NFATC3: variants seen among roughly 807,000 people sequenced by gnomAD.
NFATC3 encodes the protein nuclear factor of activated T-cells, cytoplasmic 3.
Under a neutral mutation model 98.6 loss-of-function variants are expected in NFATC3, and 46 were observed. The ratio of observed to expected loss-of-function variants is 0.47; its 90% CI spans 0.37 to 0.60. The LOEUF (loss-of-function observed/expected upper bound fraction) is 0.60. Ranked by LOEUF, NFATC3 falls within the 20% of genes least tolerant of loss-of-function variation. NFATC3 has a pLI of 0.00. For synonymous variants in NFATC3, 512 were observed against 472.2 expected, an observed-to-expected ratio of 1.08 and a Z score of -1.09; for missense variants, 1,256 against 1,295.5, an observed-to-expected ratio of 0.97 and a Z score of 0.47.
At chr16:68,211,717 T>C in intron 9 of NFATC3, among the ~76,000 whole-genome samples, 1 of 151,650 alleles carries the variant, frequency 6.6e-6, no homozygotes. Context: ...AGACGGGGTT[T>C]CACCATGCTG....
chr16:68,160,430 A>C (rs1413431721), intron 4 of NFATC3, among the ~76,000 whole-genome samples: 1 of 152,128 alleles, frequency 6.6e-6, no homozygotes, highest in African/African-American at 2.4e-5. Context: ...GCGCCATTGC[A>C]CTCCAGCCTG....
In NFATC3 at chr16:68,112,268, CTTTTTTTTTT is replaced by C. The variant is rs768228927; in HGVS notation, c.104-9701_104-9692del. On this transcript the variant is annotated intron_variant, in intron 1 of 9. Transcript: ENST00000346183. The stretch of plus-strand genomic sequence containing the variant: ...CAGGTACCCCAGTTGTAGGTTCAGT[CTTTTTTTTTT>C]TTTTTTTTTTTTTTTTTGAGATGGA... Among the ~76,000 whole-genome samples, 561 of 77,418 alleles carry C rather than the reference CTTTTTTTTTT, an allele frequency of 7.2e-3. 4 individuals are homozygous for C. The highest frequency in any genetic ancestry group is 0.028 in the African/African-American group (517 of 18,686). 50.8% of individuals were successfully genotyped at this position (77,418 alleles called of 152,430 possible). A position where few individuals can be genotyped will look rare whatever the true frequency, so the allele number is the denominator to read the frequency against.
Position 68,175,238 on chromosome 16 carries a change from A to G in NFATC3, c.1915+724A>G, listed in dbSNP as rs932776008. ...TATAGGCAATCCAGAAACCAAAAGT[A>G]GATTAGTGCTTACCAGTGGTTGGAG... On this transcript the variant is annotated intron_variant, in intron 6 of 9. Coordinates refer to ENST00000346183, the MANE Select transcript of NFATC3 (RefSeq NM_173165.3). 2.6e-5 allele frequency among the ~76,000 whole-genome samples: 4 copies of G among 152,218 alleles called. No individual in the cohort carries two copies. The East Asian group carries it at 7.7e-4, about 29-fold the overall frequency.
chr16:68,134,781 A>G (rs1471104770), intron 3 of NFATC3, among the ~76,000 whole-genome samples: 3 of 151,972 alleles, frequency 2.0e-5, no homozygotes, highest in Admixed American at 6.6e-5. Flanking sequence ...GGAGGTTTCT[A>G]TTTTTGTTTT....
At chr16:68,116,805 C>CT (rs796720628) in intron 1 of NFATC3, among the ~76,000 whole-genome samples, 67 of 143,094 alleles carry the variant, frequency 4.7e-4, no homozygotes, top group Admixed American at 5.6e-4. Flanking sequence ...ACTTTCTGTC[C>CT]TTTTTTTTTT....
At chr16:68,197,072 C>T (rs1419798873) in intron 9 of NFATC3, among the ~76,000 whole-genome samples, 1 of 151,686 alleles carries the variant, frequency 6.6e-6, no homozygotes, top group Non-Finnish European at 1.5e-5. Context: ...AACCCATAGA[C>T]CTTGAACTCC....
chr16:68,132,402 A>G (rs2037160208), intron 3 of NFATC3, among the ~76,000 whole-genome samples: 1 of 152,218 alleles, frequency 6.6e-6, no homozygotes, highest in Admixed American at 6.5e-5. Flanking sequence ...AGTCAAGGAA[A>G]AACCCTCAAG....
chr16:68,095,229 C>G (rs965647823), intron 1 of NFATC3, among the ~76,000 whole-genome samples: 8 of 151,864 alleles, frequency 5.3e-5, no homozygotes, highest in Non-Finnish European at 1.2e-4. Context: ...GAGAATCTCA[C>G]TCTATTTCCC....
chr16:68,107,768 G>A (rs764273139), intron 1 of NFATC3, among the ~76,000 whole-genome samples: 12 of 151,722 alleles, frequency 7.9e-5, no homozygotes, highest in Non-Finnish European at 1.5e-4. Context: ...TTTCTGACTG[G>A]TTTGAGATGG....
At position 68,122,539 on chromosome 16, in the gene NFATC3, G is replaced by A. The variant is rs146272474; in HGVS notation, c.656G>A (p.Cys219Tyr). ...TCTCCTGGTGGCTCTCCAGGGGGCT[G>A]CCCTGGAGAAGAAACTTGGCATCAA... Reference protein sequence around the residue: ...LTSPGGSPGGCPGEETWHQQY... With the variant: ...LTSPGGSPGGYPGEETWHQQY... Residue 219 changes from cysteine (C) to tyrosine (Y), a missense_variant, in exon 2 of 10, where the codon TGC (cysteine) becomes TAC (tyrosine). By Grantham distance (194) the Cys-to-Tyr change is radical. Coordinates refer to ENST00000346183, the MANE Select transcript of NFATC3 (RefSeq NM_173165.3). 1.9e-5 allele frequency: 31 copies of A among 1,613,942 alleles called. No homozygotes were observed. In the South Asian group the frequency reaches 2.9e-4, roughly 15 times the overall value.
intron 9 of NFATC3, among the ~76,000 whole-genome samples, chr16:68,204,966 C>T (rs1034027386): frequency 6.8e-6 from 1 of 147,954 alleles, no homozygotes; most frequent in African/African-American, 2.5e-5. Flanking sequence ...GTTCAAACAG[C>T]TTTTCTCTGT....
intron 3 of NFATC3, among the ~76,000 whole-genome samples, chr16:68,144,280 CTAACTG>C (rs2037915664): frequency 6.6e-6 from 1 of 152,066 alleles, no homozygotes; most frequent in Non-Finnish European, 1.5e-5. Context: ...AAATATAATA[CTAACTG>C]TTGTCAAGGA....
intron 3 of NFATC3, among the ~76,000 whole-genome samples, chr16:68,135,406 T>G (rs2037339830): frequency 7.5e-6 from 1 of 133,646 alleles, no homozygotes; most frequent in South Asian, 2.2e-4. Context: ...TGCAGTGAGC[T>G]GAGATTGCGC....
intron 1 of NFATC3, among the ~76,000 whole-genome samples, chr16:68,102,504 A>G (rs961031529): frequency 6.7e-6 from 1 of 150,012 alleles, no homozygotes; most frequent in African/African-American, 2.5e-5. Flanking sequence ...CATTTTCTCC[A>G]TTTTATTCCA....
At position 68,201,035 on chromosome 16, in the gene NFATC3, G is replaced by A. The variant is rs1198186843; in HGVS notation, c.3106+9260G>A. The A allele has an allele frequency of 2.0e-5, 3 of 151,732 alleles. No individual in the cohort carries two copies. The East Asian group carries it at 5.8e-4, about 29-fold the overall frequency. 9.4% of individuals were successfully genotyped at this position (151,732 alleles called of 1,614,324 possible). A position where few individuals can be genotyped will look rare whatever the true frequency, so the allele number is the denominator to read the frequency against. On this transcript the variant is annotated intron_variant, in intron 9 of 9. Transcript: ENST00000346183. ...CAACCTCTGCCTACTGGGTTCAAAC[G>A]ATTCTCATGCCTCAGCCTCCCGAGT...
In NFATC3 at chr16:68,124,277, A is replaced by T. The variant is rs78360520; in HGVS notation, c.1238+1156A>T. On this transcript the variant is annotated intron_variant, in intron 2 of 9. Coordinates refer to ENST00000346183, the MANE Select transcript of NFATC3 (RefSeq NM_173165.3). ...CCACCACACTCAATTATTTAAAAAA[A>T]TTTTTTTTGTTTTTTTTGGTAGAGA... 6.2e-3 allele frequency among the ~76,000 whole-genome samples: 937 copies of T among 151,200 alleles called. 12 individuals carry two copies. Among genetic ancestry groups the T allele is most frequent in the African/African-American group, 0.021 (861 of 41,180 alleles).
chr16:68,189,866 C>G (rs2040363464), intron 8 of NFATC3, among the ~76,000 whole-genome samples: 1 of 152,020 alleles, frequency 6.6e-6, no homozygotes. Context: ...AAGTCCGAGA[C>G]CAGCCTGGGC....
intron 3 of NFATC3, among the ~76,000 whole-genome samples, chr16:68,146,749 G>A (rs2038056652): frequency 6.6e-6 from 1 of 152,188 alleles, no homozygotes; most frequent in South Asian, 2.1e-4. Context: ...TCCAGCTTTA[G>A]TTAAATTAAG....
At chr16:68,148,666 A>G (rs1158397288) in intron 3 of NFATC3, among the ~76,000 whole-genome samples, 1 of 152,156 alleles carries the variant, frequency 6.6e-6, no homozygotes, top group African/African-American at 2.4e-5. Flanking sequence ...TGAAAGTGGG[A>G]TGTGAGGTGA....
Sources: gnomAD v4.1 joint callset for allele counts (sites outside exome capture counted in the v4.1 genomes callset) on GRCh38, gnomAD v4.1.1 for gene constraint, MANE v1.5 for transcripts, NCBI Gene and HGNC (gene_info 2026-07-23, HGNC 2026-07-21) for gene names.